The following DNAH8 variants were observed in gnomAD, a reference collection of about 807,000 sequenced individuals.
DNAH8 encodes dynein axonemal heavy chain 8, also known as axonemal beta dynein heavy chain 8.
Under a neutral mutation model 562.1 loss-of-function variants are expected in DNAH8, and 382 were observed. The observed-to-expected ratio is 0.68, with a 90% CI of 0.63 to 0.74. The LOEUF (loss-of-function observed/expected upper bound fraction) is 0.74. Ranked by LOEUF, DNAH8 falls within the 30% of genes least tolerant of loss-of-function variation. The pLI, the probability that DNAH8 is intolerant of heterozygous loss-of-function variation, is 0.00. For synonymous variants in DNAH8, 1,881 were observed against 1,919.4 expected (o/e 0.98, Z 0.52); for missense variants, 5,203 against 5,620.4 (o/e 0.93, Z 2.37).
rs527557478 is a variant in DNAH8 at position 38,929,377 on chromosome 6, T to G, written c.11119-134T>G. 2.9e-5 allele frequency: 26 copies of G among 899,132 alleles called. No homozygotes were observed. The African/African-American group carries it at 4.3e-4, about 15-fold the overall frequency. The allele number at this position is 899,132 out of a possible 1,614,324, so 55.7% of individuals were successfully genotyped here. On this transcript the variant is annotated intron_variant, in intron 74 of 92. Transcript: ENST00000327475. The stretch of plus-strand genomic sequence containing the variant: ...TAGAAATTAATTTTTGTATGTTACT[T>G]TAATTTTTTTAAGTAAGTCTTCTTC...
At chr6:39,016,497 G>A (rs1335289109) in intron 91 of DNAH8, among the ~76,000 whole-genome samples, 1 of 150,976 alleles carries the variant, frequency 6.6e-6, no homozygotes, top group African/African-American at 2.4e-5. Context: ...CTTGCAGTGG[G>A]CCGAGATCGC....
intron 39 of DNAH8, 82 bp from the exon 40 acceptor site, chr6:38,852,612 A>G: frequency 1.0e-6 from 1 of 968,878 alleles, no homozygotes; most frequent in South Asian, 1.7e-5. Context: ...TTTTAAAAAG[A>G]TACAAAATAT....
intron 88 of DNAH8, among the ~76,000 whole-genome samples, chr6:38,999,743 T>C (rs907618172): frequency 6.6e-6 from 1 of 151,594 alleles, no homozygotes; most frequent in Non-Finnish European, 1.5e-5. Flanking sequence ...AATGAACTTA[T>C]CAATTGTCAA....
chr6:38,815,764 T>A, intron 26 of DNAH8, 107 bp downstream of exon 26: 1 of 1,094,258 alleles, frequency 9.1e-7, no homozygotes, highest in Non-Finnish European at 1.3e-6. Flanking sequence ...ATTTAAAAAA[T>A]AGTATGTTTC....
At chr6:38,966,427 TTTTTCTCAGC>T (rs1745668802) in intron 82 of DNAH8, among the ~76,000 whole-genome samples, 1 of 152,172 alleles carries the variant, frequency 6.6e-6, no homozygotes, top group Non-Finnish European at 1.5e-5. Context: ...ATAGCACTAG[TTTTTCTCAGC>T]TTTTCTAAAA....
chr6:38,989,675 G>A (rs1764648273), intron 87 of DNAH8, among the ~76,000 whole-genome samples: 1 of 152,124 alleles, frequency 6.6e-6, no homozygotes, highest in Non-Finnish European at 1.5e-5. Flanking sequence ...TGGGAGTATG[G>A]CCTCACAGAC....
At chr6:38,890,838 G>A (rs963752569) in intron 58 of DNAH8, 77 bp downstream of exon 58, 20 of 995,746 alleles carry the variant, frequency 2.0e-5, no homozygotes, top group African/African-American at 3.2e-5. Context: ...GGCTCATTAA[G>A]TTATCATAAT....
intron 59 of DNAH8, among the ~76,000 whole-genome samples, chr6:38,895,496 G>A (rs775790509): frequency 1.1e-4 from 16 of 152,074 alleles, no homozygotes; most frequent in Admixed American, 2.6e-4. Context: ...GTTTTCTGTG[G>A]GGAAATCTGG....
At position 38,793,019 on chromosome 6, in the gene DNAH8, C is replaced by T. The variant is rs190936548; in HGVS notation, c.2901+1345C>T. 2.5e-4 allele frequency among the ~76,000 whole-genome samples: 38 copies of T among 152,118 alleles called. No homozygotes were observed. In the East Asian group the frequency reaches 3.3e-3, roughly 13 times the overall value. ...CTGGTCTTGAACTCCTGAACTCAAG[C>T]GATCCACCCACTTTGGCCTCCCAAA... On this transcript the variant is annotated intron_variant, in intron 21 of 92. Coordinates refer to ENST00000327475, the MANE Select transcript of DNAH8 (RefSeq NM_001206927.2).
intron 62 of DNAH8, among the ~76,000 whole-genome samples, chr6:38,901,822 T>C (rs1274339053): frequency 1.3e-5 from 2 of 152,260 alleles, no homozygotes; most frequent in African/African-American, 2.4e-5. Context: ...TAGGTATTAA[T>C]TTAATTTTAC....
At chr6:38,887,038 T>C in intron 57 of DNAH8, 34 bp downstream of exon 57, 1 of 1,433,630 alleles carries the variant, frequency 7.0e-7, no homozygotes, top group Non-Finnish European at 9.8e-7. Context: ...TTTATTGCAT[T>C]ACATAATGGA....
At position 38,982,349 on chromosome 6, in the gene DNAH8, C is replaced by T. The variant is rs780517346; in HGVS notation, c.12838C>T (p.Arg4280Ter). 5.2e-6 allele frequency: 8 copies of T among 1,541,924 alleles called. No individual in the cohort carries two copies. The highest frequency in any genetic ancestry group is 6.3e-6 in the Non-Finnish European group (7 of 1,116,438). The change falls in exon 86 of 93, where the codon CGA (arginine) becomes TGA (stop). Residue 4280 changes from arginine (R) to a stop codon, truncating the protein, a stop_gained. Coordinates refer to ENST00000327475, the MANE Select transcript of DNAH8 (RefSeq NM_001206927.2). LOFTEE classifies it high-confidence loss of function. ...VAFLHSTVQE[R>*]RKFGPLGWNI... The stretch of plus-strand genomic sequence containing the variant: ...ACTTTTCTTTGGTGTTTTTAAGGAG[C>T]GACGAAAATTTGGCCCCTTAGGATG...
rs114466089 is a variant in DNAH8, at chr6:38,822,529, G to T, written c.3524-309G>T. The T allele has an allele frequency of 2.3e-3, 458 of 200,752 alleles. 3 individuals carry two copies. Among genetic ancestry groups the T allele is most frequent in the African/African-American group, 1.0e-2 (430 of 43,122 alleles). 12.4% of individuals were successfully genotyped at this position (200,752 alleles called of 1,614,324 possible). A position where few individuals can be genotyped will look rare whatever the true frequency, so the allele number is the denominator to read the frequency against. The stretch of plus-strand genomic sequence containing the variant: ...TATTCCTCAGGGTGGAAATTTCAAC[G>T]CTTTTAACCTTTTCTTAAAGGACTT... On this transcript the variant is annotated intron_variant, in intron 26 of 92. Transcript: ENST00000327475.
At chr6:38,874,842 A>T (rs926497569) in intron 52 of DNAH8, among the ~76,000 whole-genome samples, 2 of 152,240 alleles carry the variant, frequency 1.3e-5, no homozygotes, top group African/African-American at 2.4e-5. Flanking sequence ...GGTTAGAAAC[A>T]ATATATAAGG....
At chr6:38,899,719 GA>G in intron 61 of DNAH8, 56 bp from the exon 62 acceptor site, 1 of 1,596,456 alleles carries the variant, frequency 6.3e-7, no homozygotes, top group Non-Finnish European at 8.6e-7. Flanking sequence ...TTTAGTGCAA[GA>G]AAATGTAAAC....
chr6:38,732,054 G>T (rs1763698697), intron 4 of DNAH8, among the ~76,000 whole-genome samples: 1 of 152,092 alleles, frequency 6.6e-6, no homozygotes, highest in Admixed American at 6.6e-5. Context: ...ACATGTAAAT[G>T]CTTATTATCA....
At chr6:38,803,610 T>A (rs1770985773) in intron 22 of DNAH8, among the ~76,000 whole-genome samples, 1 of 152,080 alleles carries the variant, frequency 6.6e-6, no homozygotes, top group South Asian at 2.1e-4. Context: ...TTTTTTTTTT[T>A]TTTTCTGGTG....
intron 69 of DNAH8, 39 bp from the exon 70 acceptor site, chr6:38,917,886 T>G (rs931836285): frequency 2.0e-6 from 3 of 1,478,698 alleles, no homozygotes; most frequent in Non-Finnish European, 2.8e-6. Context: ...AAGAAAGTAT[T>G]TTCTTCCAGA....
chr6:39,013,997 T>G (rs148229962), intron 91 of DNAH8, among the ~76,000 whole-genome samples: 13 of 152,178 alleles, frequency 8.5e-5, no homozygotes, highest in African/African-American at 2.9e-4. Context: ...TGCTGTATAC[T>G]GATGATTTGT....
Sources: gnomAD v4.1 joint callset for allele counts (sites outside exome capture counted in the v4.1 genomes callset) on GRCh38, gnomAD v4.1.1 for gene constraint, MANE v1.5 for transcripts, NCBI Gene and HGNC (gene_info 2026-07-23, HGNC 2026-07-21) for gene names.